The following DNAH17 variants were observed in gnomAD, a reference collection of about 807,000 sequenced individuals.
DNAH17 encodes axonemal beta dynein heavy chain 17.
A neutral mutation model predicts 485.6 loss-of-function variants in DNAH17; 376 were observed. That is an observed-to-expected ratio of 0.77 (90% CI 0.71 to 0.84). The LOEUF is 0.84. DNAH17 is among the 40% of genes least tolerant of loss of function. The probability of loss-of-function intolerance (pLI) is 0.00; values close to 1 mark genes in which losing one functional copy is unlikely to be tolerated. For synonymous variants in DNAH17, 3,031 were observed against 2,405.9 expected, an observed-to-expected ratio of 1.26 and a Z score of -7.60; for missense variants, 6,370 against 5,839.3, an observed-to-expected ratio of 1.09 and a Z score of -2.96.
chr17:78,533,038 C>T (rs1247757635), intron 19 of DNAH17: 3 of 267,036 alleles, frequency 1.1e-5, no homozygotes, highest in South Asian at 6.5e-5. Context: ...ACCACAGGCA[C>T]GTGCCACTGT....
chr17:78,535,530 G>T (rs967692420), intron 19 of DNAH17, among the ~76,000 whole-genome samples: 1 of 152,038 alleles, frequency 6.6e-6, no homozygotes, highest in African/African-American at 2.4e-5. Flanking sequence ...CCAAGCACAC[G>T]CGTACACACA....
At chr17:78,440,241 ATGCT>A (rs2087017728) in intron 72 of DNAH17, among the ~76,000 whole-genome samples, 2 of 113,428 alleles carry the variant, frequency 1.8e-5, no homozygotes, top group Non-Finnish European at 3.4e-5. Context: ...GGCCGACTTC[ATGCT>A]TTTTTTTTTT....
In DNAH17 at chr17:78,562,027, T is replaced by C. The variant is rs1420640253; in HGVS notation, c.1570-47A>G. On this transcript the variant is annotated intron_variant, in intron 11 of 80. Transcript: ENST00000389840. ...GCCTCTTCACCACAGTCTCCTCCCCTTCCCCAGCCTGTGGCTGTGGACAAA... is the reference window on the plus strand; with the variant it reads ...GCCTCTTCACCACAGTCTCCTCCCCCTCCCCAGCCTGTGGCTGTGGACAAA... 13 of 1,513,372 alleles carry C rather than the reference T, an allele frequency of 8.6e-6. No individual in the cohort carries two copies. In the South Asian group the frequency reaches 1.7e-4, roughly 20 times the overall value. 93.7% of individuals were successfully genotyped at this position (1,513,372 alleles called of 1,614,324 possible).
intron 64 of DNAH17, among the ~76,000 whole-genome samples, chr17:78,453,909 T>C (rs1373484743): frequency 6.6e-6 from 1 of 152,096 alleles, no homozygotes. Context: ...GGTCTCACTA[T>C]GTTGCACAGG....
intron 6 of DNAH17, 62 bp downstream of exon 6, chr17:78,570,886 G>GAAA: frequency 2.0e-6 from 1 of 505,604 alleles, no homozygotes; most frequent in Admixed American, 5.8e-5. Flanking sequence ...AAAGAAAAAA[G>GAAA]AAAAGAAAAG....
Position 78,445,566 on chromosome 17 carries a change from C to T in DNAH17, c.11326G>A (p.Gly3776Arg), listed in dbSNP as rs954658523. 2 of 1,561,454 alleles carry T rather than the reference C, an allele frequency of 1.3e-6. No individual in the cohort carries two copies. Among genetic ancestry groups the T allele is most frequent in the African/African-American group, 1.4e-5 (1 of 73,580 alleles). ...AACGTCTAAAGACGAACCTTGATCC[C>T]GCCCCAGCCTTGATGCTGGAGGAAG... ...VDFLQHQGWG[G>R]IKALSEMDEF... is the part of the protein sequence containing the mutation. Residue 3776 changes from glycine (G) to arginine (R), a missense_variant, in exon 70 of 81, where the codon GGG becomes AGG. Coordinates refer to ENST00000389840, the MANE Select transcript of DNAH17 (RefSeq NM_173628.4).
Position 78,450,339 on chromosome 17 carries a change from C to A in DNAH17, c.10955G>T (p.Arg3652Leu). ...CAGAGATGCCCTCTCCGCAGCCGGG[C>A]GGTAGTTCTCTCTCGCTTCGTTGAT... ...VKINEARENYRPAAERASLLY... is the reference protein window; with the variant it reads ...VKINEARENYLPAAERASLLY... Residue 3652 changes from arginine to leucine, a missense_variant, in exon 68 of 81, where the codon CGC becomes CTC. Coordinates refer to ENST00000389840, the MANE Select transcript of DNAH17 (RefSeq NM_173628.4). 6.2e-7 allele frequency: 1 copy of A among 1,614,004 alleles called. No individual in the cohort carries two copies. Among genetic ancestry groups the A allele is most frequent in the Non-Finnish European group, 8.5e-7 (1 of 1,179,888 alleles).
chr17:78,539,875 GT>G lies in DNAH17; in HGVS notation c.2537del (p.Asn846ThrfsTer10). 6.4e-7 allele frequency: 1 copy of G among 1,573,760 alleles called. No homozygotes were observed. The highest frequency in any genetic ancestry group is 8.6e-7 in the Non-Finnish European group (1 of 1,164,236). On this transcript the variant is annotated frameshift_variant, in exon 18 of 81. Transcript: ENST00000389840. LOFTEE classifies it high-confidence loss of function. ...GVKIQAMVAE[N>X]AELFRADTLS... ...GTGTGTCTGCCCTGAATAGTTCTGC[GT>G]TTTCCTGCAAACAGAAGCGCACAGT...
intron 52 of DNAH17, 148 bp downstream of exon 52, chr17:78,476,424 C>A (rs770342969): frequency 3.0e-6 from 3 of 987,586 alleles, no homozygotes; most frequent in Non-Finnish European, 4.3e-6. Context: ...CAGCCACTTG[C>A]TGGAATGATC....
chr17:78,465,392 T>G, intron 56 of DNAH17, among the ~76,000 whole-genome samples: 1 of 137,126 alleles, frequency 7.3e-6, no homozygotes, highest in Non-Finnish European at 1.6e-5. Context: ...TGGCCGCCCA[T>G]CATCTGGGAT....
intron 14 of DNAH17, among the ~76,000 whole-genome samples, chr17:78,553,473 TG>T (rs2091955192): frequency 6.6e-6 from 1 of 151,964 alleles, no homozygotes; most frequent in Non-Finnish European, 1.5e-5. Context: ...AGCTAATTTT[TG>T]TATTTTTAGT....
chr17:78,518,486 A>G (rs639092), intron 25 of DNAH17, among the ~76,000 whole-genome samples: 33,065 of 152,152 alleles, frequency 0.22, 4,003 homozygotes, highest in East Asian at 0.47. Context: ...ACAGAGCCTC[A>G]AAATACACAA....
At chr17:78,468,118 G>C (rs2088569926) in intron 55 of DNAH17, among the ~76,000 whole-genome samples, 1 of 150,414 alleles carries the variant, frequency 6.6e-6, no homozygotes, top group Admixed American at 6.6e-5. Flanking sequence ...TCGGTTGTCT[G>C]TCCACATCTG....
At chr17:78,428,862 G>A (rs1463547735) in intron 76 of DNAH17, among the ~76,000 whole-genome samples, 155 bp from the exon 77 acceptor site, 8 of 142,212 alleles carry the variant, frequency 5.6e-5, no homozygotes, top group Middle Eastern at 4.1e-3. Context: ...GCTGCCCCCT[G>A]TGCTCCCAGC....
At position 78,485,020 on chromosome 17, in the gene DNAH17, C is replaced by T. The variant is rs750860537; in HGVS notation, c.7497G>A (p.Lys2499=). Residue 2499 remains lysine (K), a synonymous_variant, in exon 48 of 81, where the codon AAG becomes AAA. Transcript: ENST00000389840. ...TCCTCCCCGATTTCTTCTCCAGCGG[C>T]TTCTCCAGCACCCCTAGAGAGGGCA... ...TSAMLQGVLE[K]PLEKKSGRNY... 1.2e-6 allele frequency: 2 copies of T among 1,610,774 alleles called. No homozygotes were observed. Among genetic ancestry groups the T allele is most frequent in the Admixed American group, 1.7e-5 (1 of 59,788 alleles).
intron 60 of DNAH17, 75 bp downstream of exon 60, chr17:78,459,709 T>TCA (rs1483201944): frequency 3.9e-6 from 6 of 1,544,068 alleles, no homozygotes; most frequent in Non-Finnish European, 5.3e-6. Flanking sequence ...AGGCCATGCT[T>TCA]CACCTCAGCA....
rs368930717 is a variant in DNAH17, at chr17:78,500,301, G to A, written c.5640+4C>T. On this transcript the variant is annotated splice_donor_region_variant and intron_variant, in intron 36 of 80. Coordinates refer to ENST00000389840, the MANE Select transcript of DNAH17 (RefSeq NM_173628.4). ...GGTCCCTCCTCCGGACCCCGGCCGC[G>A]TACCTTGTAGTCCATCTGCTCGGAG... The A allele has an allele frequency of 2.4e-4, 385 of 1,609,506 alleles. 2 individuals are homozygous for A. In the South Asian group the frequency reaches 3.2e-3, roughly 14 times the overall value.
chr17:78,455,867 T>C, intron 62 of DNAH17, 31 bp from the exon 63 acceptor site: 1 of 1,538,528 alleles, frequency 6.5e-7, no homozygotes, highest in Non-Finnish European at 8.8e-7. Flanking sequence ...ATAAAACATA[T>C]TTGCACAAGT....
intron 54 of DNAH17, among the ~76,000 whole-genome samples, chr17:78,469,434 C>T (rs769201667): frequency 6.6e-6 from 1 of 152,172 alleles, no homozygotes; most frequent in Non-Finnish European, 1.5e-5. Context: ...AGCCACTGTG[C>T]CCGGCCCACA....
Sources: gnomAD v4.1 joint callset for allele counts (sites outside exome capture counted in the v4.1 genomes callset) on GRCh38, gnomAD v4.1.1 for gene constraint, MANE v1.5 for transcripts, NCBI Gene and HGNC (gene_info 2026-07-23, HGNC 2026-07-21) for gene names.